Variants in NEK11 observed in about 807,000 individuals in gnomAD.
NEK11 encodes serine/threonine-protein kinase Nek11.
In NEK11, 72 loss-of-function variants were observed where a neutral mutation model predicts 80.7. That is an observed-to-expected ratio of 0.89 (90% CI 0.74 to 1.08). The LOEUF (loss-of-function observed/expected upper bound fraction) is 1.08. Among genes scored for constraint, NEK11 ranks in the 50% least tolerant of loss-of-function variants. The pLI is 0.00. For synonymous variants in NEK11, 251 were observed against 260.7 expected (o/e 0.96, Z 0.36); for missense variants, 764 against 763.6 (o/e 1.00, Z -0.01).
chr3:131,231,085 A>G (rs963424508), intron 15 of NEK11, among the ~76,000 whole-genome samples: 11 of 152,118 alleles, frequency 7.2e-5, no homozygotes, highest in Admixed American at 7.2e-4. Flanking sequence ...TAAATTACCC[A>G]GCCTCACGTA....
chr3:131,138,453 C>G (rs1235553156), intron 7 of NEK11, among the ~76,000 whole-genome samples: 1 of 152,192 alleles, frequency 6.6e-6, no homozygotes, highest in African/African-American at 2.4e-5. Flanking sequence ...TCTGGGAGAG[C>G]ATCTCTGGAC....
At chr3:131,151,701 GT>G (rs983071372) in intron 7 of NEK11, among the ~76,000 whole-genome samples, 14 of 147,184 alleles carry the variant, frequency 9.5e-5, no homozygotes, top group African/African-American at 2.0e-4. Context: ...TTCCCTTTCA[GT>G]TTTTTTTTTA....
At chr3:131,199,525 A>T (rs2094149872) in intron 14 of NEK11, among the ~76,000 whole-genome samples, 1 of 152,086 alleles carries the variant, frequency 6.6e-6, no homozygotes, top group African/African-American at 2.4e-5. Flanking sequence ...AAAAATTAAC[A>T]TTTTTATTCA....
At position 131,026,918 on chromosome 3, in the gene NEK11, T is replaced by C. The variant is rs1466234784; in HGVS notation, c.-258T>C. 6.6e-6 allele frequency: 1 copy of C among 152,176 alleles called. No individual in the cohort carries two copies. The highest frequency in any genetic ancestry group is 1.5e-5 in the Non-Finnish European group (1 of 68,074). The allele number at this position is 152,176 out of a possible 1,614,324, so 9.4% of individuals were successfully genotyped here. ...GTGGCCCGCGGTGTCTGGCGCTCGG[T>C]GGGTGTGGTTGCCCCTAGTTTGAGG... On this transcript the variant is annotated 5_prime_UTR_variant, in exon 1 of 18. Transcript: ENST00000383366.
intron 13 of NEK11, among the ~76,000 whole-genome samples, chr3:131,169,223 A>G (rs1420750405): frequency 1.3e-5 from 2 of 152,202 alleles, no homozygotes; most frequent in Non-Finnish European, 2.9e-5. Context: ...ATACATGTTT[A>G]TGATTTAATT....
intron 16 of NEK11, among the ~76,000 whole-genome samples, chr3:131,265,518 T>C (rs1253500656): frequency 6.6e-6 from 1 of 152,226 alleles, no homozygotes; most frequent in African/African-American, 2.4e-5. Context: ...GGATTACTTT[T>C]ATTGATTTGC....
At position 131,076,455 on chromosome 3, in the gene NEK11, A is replaced by G. The variant is rs144547628; in HGVS notation, c.171-3968A>G. On this transcript the variant is annotated intron_variant, in intron 3 of 17. Transcript: ENST00000383366. ...TTTCCTTGTAAATTAGAAAAAAGAG[A>G]CCTTCCCATTTAAGAAAGGCAGATA... 2.5e-3 allele frequency among the ~76,000 whole-genome samples: 360 copies of G among 146,816 alleles called. 1 individual carries two copies. Among genetic ancestry groups the G allele is most frequent in the African/African-American group, 8.4e-3 (339 of 40,228 alleles).
chr3:131,248,630 T>G (rs2108238226), intron 16 of NEK11, among the ~76,000 whole-genome samples: 1 of 152,154 alleles, frequency 6.6e-6, no homozygotes, highest in Admixed American at 6.5e-5. Context: ...AAACAGTCTC[T>G]CTCACTCTCC....
chr3:131,098,360 G>T (rs1258612887), intron 4 of NEK11, among the ~76,000 whole-genome samples: 1 of 152,104 alleles, frequency 6.6e-6, no homozygotes, highest in African/African-American at 2.4e-5. Flanking sequence ...CCATCAAAGT[G>T]AACAGGCAAC....
chr3:131,029,715 A>G lies in NEK11; in HGVS notation c.7A>G (p.Lys3Glu), dbSNP rs756151549. 1.2e-6 allele frequency: 2 copies of G among 1,614,010 alleles called. No homozygotes were observed. Among genetic ancestry groups the G allele is most frequent in the Non-Finnish European group, 1.7e-6 (2 of 1,179,864 alleles). ML[K>E]FQEAAKCVSG... Reference sequence around the variant, plus strand: ...TTCTCTCTTGTTTGGAGCAATGCTGAAATTCCAAGAGGCAGCTAAGTGTGT... The same window carrying G: ...TTCTCTCTTGTTTGGAGCAATGCTGGAATTCCAAGAGGCAGCTAAGTGTGT... The change falls in exon 3 of 18, where the codon AAA (lysine) becomes GAA (glutamate). Residue 3 changes from lysine (K) to glutamate (E), a missense_variant. Physicochemically the swap from Lys to Glu is moderately conservative, Grantham distance 56. Transcript: ENST00000383366.
At chr3:131,292,272 G>C (rs767919536) in intron 17 of NEK11, among the ~76,000 whole-genome samples, 1 of 152,098 alleles carries the variant, frequency 6.6e-6, no homozygotes, top group Non-Finnish European at 1.5e-5. Flanking sequence ...CTGTTTCATT[G>C]ATCTATTTGT....
intron 16 of NEK11, among the ~76,000 whole-genome samples, chr3:131,268,731 A>G (rs766903473): frequency 6.6e-6 from 1 of 152,224 alleles, no homozygotes; most frequent in Non-Finnish European, 1.5e-5. Context: ...TCTCCCAGTC[A>G]GGAGGCATGG....
At chr3:131,313,843 A>G (rs1224774992) in intron 17 of NEK11, among the ~76,000 whole-genome samples, 1 of 152,206 alleles carries the variant, frequency 6.6e-6, no homozygotes, top group Non-Finnish European at 1.5e-5. Context: ...CCACAGGTTT[A>G]CATATGAACC....
At chr3:131,288,186 T>A (rs2096496304) in intron 17 of NEK11, among the ~76,000 whole-genome samples, 1 of 152,158 alleles carries the variant, frequency 6.6e-6, no homozygotes, top group Non-Finnish European at 1.5e-5. Context: ...ATGCTGTTGA[T>A]TTCAATTAAG....
chr3:131,210,222 T>C (rs564635034), intron 14 of NEK11, among the ~76,000 whole-genome samples: 2 of 152,372 alleles, frequency 1.3e-5, no homozygotes, highest in African/African-American at 4.8e-5. Flanking sequence ...TCTTTATTTC[T>C]GCCTTCATTT....
At position 131,057,792 on chromosome 3, in the gene NEK11, T is replaced by C. The variant is rs1458051555; in HGVS notation, c.171-22631T>C. Reference sequence around the variant, plus strand: ...CATTGTAGATTCTGGATATTAGCCCTTTGTCAGATGAGTAGGTTGCAAAAA... The same window carrying C: ...CATTGTAGATTCTGGATATTAGCCCCTTGTCAGATGAGTAGGTTGCAAAAA... On this transcript the variant is annotated intron_variant, in intron 3 of 17. Coordinates refer to ENST00000383366, the MANE Select transcript of NEK11 (RefSeq NM_024800.5). 3.3e-5 allele frequency among the ~76,000 whole-genome samples: 5 copies of C among 151,750 alleles called. No homozygotes were observed. In the South Asian group the frequency reaches 8.3e-4, roughly 25 times the overall value.
chr3:131,270,559 C>A (rs754079246), intron 16 of NEK11, among the ~76,000 whole-genome samples: 15 of 152,172 alleles, frequency 9.9e-5, no homozygotes, highest in Non-Finnish European at 1.9e-4. Flanking sequence ...ATGAATTGTC[C>A]TTTTCTTTGA....
At chr3:131,195,073 A>C (rs186750397) in intron 14 of NEK11, among the ~76,000 whole-genome samples, 25 of 152,292 alleles carry the variant, frequency 1.6e-4, no homozygotes, top group African/African-American at 6.0e-4. Context: ...GCCTCCAGCT[A>C]GTCTCCTGCC....
intron 17 of NEK11, among the ~76,000 whole-genome samples, chr3:131,296,908 C>G (rs1029810949): frequency 2.2e-4 from 34 of 151,790 alleles, no homozygotes; most frequent in East Asian, 1.4e-3. Context: ...GAGAATATGC[C>G]GTGTTTGGTT....
Sources: gnomAD v4.1 joint callset for allele counts (sites outside exome capture counted in the v4.1 genomes callset) on GRCh38, gnomAD v4.1.1 for gene constraint, MANE v1.5 for transcripts, NCBI Gene and HGNC (gene_info 2026-07-23, HGNC 2026-07-21) for gene names.